TAFA1: variants seen among roughly 807,000 people sequenced by gnomAD.
TAFA1 encodes the protein TAFA chemokine like family member 1.
A neutral mutation model predicts 18.5 loss-of-function variants in TAFA1; 4 were observed. That is an observed-to-expected ratio of 0.22 (90% CI 0.11 to 0.49). TAFA1 has a LOEUF of 0.49. TAFA1 is among the 20% of genes least tolerant of loss of function. The pLI, the probability that TAFA1 is intolerant of heterozygous loss-of-function variation, is 0.98. For missense variants in TAFA1, 147 were observed against 169.0 expected, an observed-to-expected ratio of 0.87 and a Z score of 0.72; for synonymous variants, 56 against 55.2, an observed-to-expected ratio of 1.01 and a Z score of -0.06.
chr3:68,181,506 G>T (rs952996394), intron 2 of TAFA1, among the ~76,000 whole-genome samples: 2 of 152,086 alleles, frequency 1.3e-5, no homozygotes, highest in East Asian at 3.9e-4. Context: ...GTAAATTCAG[G>T]GTAACCAGTG....
intron 2 of TAFA1, among the ~76,000 whole-genome samples, chr3:68,349,467 G>C (rs150849482): frequency 6.6e-5 from 10 of 152,012 alleles, no homozygotes; most frequent in African/African-American, 2.4e-4. Flanking sequence ...ATAGACAAGA[G>C]GAAGAGTTAA....
At chr3:68,035,345 A>G (rs1705023691) in intron 2 of TAFA1, among the ~76,000 whole-genome samples, 1 of 152,002 alleles carries the variant, frequency 6.6e-6, no homozygotes, top group South Asian at 2.1e-4. Context: ...TTCTGTGTAT[A>G]TTCCCTCATA....
intron 2 of TAFA1, among the ~76,000 whole-genome samples, chr3:68,182,822 T>C (rs2066221151): frequency 6.6e-6 from 1 of 152,212 alleles, no homozygotes; most frequent in African/African-American, 2.4e-5. Flanking sequence ...GTTTATTATT[T>C]AGTGATAATG....
intron 3 of TAFA1, among the ~76,000 whole-genome samples, chr3:68,475,730 G>C (rs997174406): frequency 6.6e-6 from 1 of 151,986 alleles, no homozygotes; most frequent in African/African-American, 2.4e-5. Context: ...CTGAGGAATC[G>C]CCACACTGGC....
chr3:68,455,889 T>C (rs374995915), intron 3 of TAFA1, among the ~76,000 whole-genome samples: 5 of 152,304 alleles, frequency 3.3e-5, no homozygotes, highest in East Asian at 1.9e-4. Flanking sequence ...TACATAGCAC[T>C]GACAAACTTT....
intron 2 of TAFA1, among the ~76,000 whole-genome samples, chr3:68,336,057 A>T (rs2068965135): frequency 6.6e-6 from 1 of 152,200 alleles, no homozygotes; most frequent in Non-Finnish European, 1.5e-5. Flanking sequence ...GAAGCCCAGC[A>T]CCACACTTTT....
chr3:68,126,483 C>T (rs946296254), intron 2 of TAFA1, among the ~76,000 whole-genome samples: 2 of 152,176 alleles, frequency 1.3e-5, no homozygotes, highest in African/African-American at 2.4e-5. Flanking sequence ...CAATTTTCCC[C>T]CAAAATCTTG....
At chr3:68,418,240 G>A (rs2070880618) in intron 3 of TAFA1, among the ~76,000 whole-genome samples, 1 of 152,050 alleles carries the variant, frequency 6.6e-6, no homozygotes, top group Non-Finnish European at 1.5e-5. Flanking sequence ...CCAAAAGATA[G>A]TCAGCAAAGG....
At chr3:68,100,128 C>T (rs80235931) in intron 2 of TAFA1, among the ~76,000 whole-genome samples, 1,599 of 152,030 alleles carry the variant, frequency 0.011, 30 homozygotes, top group African/African-American at 0.035. Context: ...CAAACCTCCA[C>T]GTACAATCCC....
intron 2 of TAFA1, among the ~76,000 whole-genome samples, chr3:68,363,328 G>C (rs1180605533): frequency 6.6e-6 from 1 of 152,118 alleles, no homozygotes; most frequent in Admixed American, 6.6e-5. Context: ...GAACCACGAT[G>C]GGTCCTGGGT....
chr3:68,274,446 A>G (rs1322401068), intron 2 of TAFA1, among the ~76,000 whole-genome samples: 1 of 152,180 alleles, frequency 6.6e-6, no homozygotes, highest in Non-Finnish European at 1.5e-5. Context: ...GCCAAAGTTC[A>G]TTTCTGCCTG....
At chr3:68,279,732 G>A (rs1213195913) in intron 2 of TAFA1, among the ~76,000 whole-genome samples, 9 of 152,096 alleles carry the variant, frequency 5.9e-5, no homozygotes, top group Admixed American at 5.9e-4. Context: ...GTAATATTAA[G>A]TCATAATATG....
intron 3 of TAFA1, among the ~76,000 whole-genome samples, chr3:68,455,189 C>A (rs1175253087): frequency 6.6e-6 from 1 of 151,948 alleles, no homozygotes; most frequent in East Asian, 1.9e-4. Flanking sequence ...TTCTCCTCAT[C>A]TTCATATTGA....
chr3:68,358,859 T>C (rs1166499127), intron 2 of TAFA1, among the ~76,000 whole-genome samples: 1 of 146,486 alleles, frequency 6.8e-6, no homozygotes, highest in African/African-American at 2.5e-5. Flanking sequence ...TTGTCACCAA[T>C]TGAGTGATCT....
chr3:68,111,593 AGTGT>A (rs904798041), intron 2 of TAFA1, among the ~76,000 whole-genome samples: 4 of 152,118 alleles, frequency 2.6e-5, no homozygotes, highest in African/African-American at 9.7e-5. Context: ...ATTGTGCAAA[AGTGT>A]TCTAAGTTTC....
chr3:68,520,381 T>G (rs906147714), intron 3 of TAFA1, among the ~76,000 whole-genome samples: 3 of 152,240 alleles, frequency 2.0e-5, no homozygotes, highest in Non-Finnish European at 4.4e-5. Flanking sequence ...TTTTCCCTTT[T>G]TCTTTTGATG....
intron 3 of TAFA1, among the ~76,000 whole-genome samples, chr3:68,435,972 A>T (rs2071261396): frequency 6.6e-6 from 1 of 152,126 alleles, no homozygotes; most frequent in Non-Finnish European, 1.5e-5. Flanking sequence ...TTTTTACTTG[A>T]TTGAGCTGAA....
chr3:68,111,854 T>A (rs2065266697), intron 2 of TAFA1, among the ~76,000 whole-genome samples: 1 of 152,092 alleles, frequency 6.6e-6, no homozygotes, highest in Non-Finnish European at 1.5e-5. Flanking sequence ...ACATTAGTAG[T>A]ATTCTTAGTA....
intron 2 of TAFA1, among the ~76,000 whole-genome samples, chr3:68,084,475 C>T (rs1200489000): frequency 3.9e-5 from 6 of 152,104 alleles, no homozygotes; most frequent in East Asian, 1.9e-4. Context: ...CGGGTTTCAC[C>T]TCTAACTCTT....
Sources: gnomAD v4.1 joint callset for allele counts (sites outside exome capture counted in the v4.1 genomes callset) on GRCh38, gnomAD v4.1.1 for gene constraint, MANE v1.5 for transcripts, NCBI Gene and HGNC (gene_info 2026-07-23, HGNC 2026-07-21) for gene names.